The following TAFA5 variants were observed in gnomAD, a reference collection of about 807,000 sequenced individuals.
TAFA5 encodes TAFA chemokine like family member 5.
In TAFA5, 6 loss-of-function variants were observed where a neutral mutation model predicts 15.3. The ratio of observed to expected loss-of-function variants is 0.39; its 90% CI spans 0.21 to 0.77. The LOEUF (loss-of-function observed/expected upper bound fraction) is 0.77, where lower values mean the gene tolerates loss of function less well. Ranked by LOEUF, TAFA5 falls within the 30% of genes least tolerant of loss-of-function variation. TAFA5 has a pLI of 0.41. For missense variants in TAFA5, 161 were observed against 193.1 expected, an observed-to-expected ratio of 0.83 and a Z score of 0.98; for synonymous variants, 103 against 80.7, an observed-to-expected ratio of 1.28 and a Z score of -1.48.
intron 1 of TAFA5, among the ~76,000 whole-genome samples, chr22:48,584,006 C>T (rs992857686): frequency 1.9e-5 from 2 of 105,010 alleles, no homozygotes; most frequent in Non-Finnish European, 4.1e-5. Flanking sequence ...ACACATATAA[C>T]ACACCACACA....
chr22:48,534,735 G>C (rs534842061), intron 1 of TAFA5, among the ~76,000 whole-genome samples: 1 of 152,196 alleles, frequency 6.6e-6, no homozygotes, highest in Non-Finnish European at 1.5e-5. Context: ...CGGGGGGAGG[G>C]GGAGGCCCGG....
At chr22:48,657,710 C>T (rs760922666) in intron 2 of TAFA5, among the ~76,000 whole-genome samples, 4 of 152,182 alleles carry the variant, frequency 2.6e-5, no homozygotes, top group Non-Finnish European at 5.9e-5. Context: ...CCTGCATCTC[C>T]AGCACAGACC....
chr22:48,618,348 C>A (rs1925686808), intron 1 of TAFA5, among the ~76,000 whole-genome samples: 1 of 152,216 alleles, frequency 6.6e-6, no homozygotes, highest in African/African-American at 2.4e-5. Flanking sequence ...CTCTGCCAAG[C>A]CTTCATATTT....
Position 48,750,020 on chromosome 22 carries a change from C to T in TAFA5, c.*173C>T, listed in dbSNP as rs996392695. 8.9e-5 allele frequency: 60 copies of T among 672,330 alleles called. No individual in the cohort carries two copies. The highest frequency in any genetic ancestry group is 1.4e-4 in the Non-Finnish European group (56 of 388,728). 41.6% of individuals were successfully genotyped at this position (672,330 alleles called of 1,614,324 possible). A position where few individuals can be genotyped will look rare whatever the true frequency, so the allele number is the denominator to read the frequency against. On this transcript the variant is annotated 3_prime_UTR_variant, in exon 4 of 4. Coordinates refer to ENST00000402357, the MANE Select transcript of TAFA5 (RefSeq NM_001082967.3). Reference sequence around the variant, plus strand: ...AGGCCTTGGCATCCTGAGCTTCGGTCTGTCCAGCCGACCCGAGGAGGCCGG... The same window carrying T: ...AGGCCTTGGCATCCTGAGCTTCGGTTTGTCCAGCCGACCCGAGGAGGCCGG...
At chr22:48,677,283 C>G (rs1054808753) in intron 2 of TAFA5, among the ~76,000 whole-genome samples, 1 of 152,258 alleles carries the variant, frequency 6.6e-6, no homozygotes, top group African/African-American at 2.4e-5. Flanking sequence ...GAGCAGGACC[C>G]TGCCCGCCCG....
In TAFA5 at chr22:48,698,176, ATGG is replaced by A. The variant is rs529121271; in HGVS notation, c.263-9535_263-9533del. On this transcript the variant is annotated intron_variant, in intron 2 of 3. Coordinates refer to ENST00000402357, the MANE Select transcript of TAFA5 (RefSeq NM_001082967.3). Reference sequence around the variant, plus strand: ...GATGATGATAGTGATAGTAGTGATGATGGTGGTGATGATGATGGTGACAATAAT... The same window carrying A: ...GATGATGATAGTGATAGTAGTGATGATGGTGATGATGATGGTGACAATAAT... 1.4e-3 allele frequency among the ~76,000 whole-genome samples: 204 copies of A among 151,042 alleles called. 1 individual carries two copies. Among genetic ancestry groups the A allele is most frequent in the African/African-American group, 4.5e-3 (184 of 41,026 alleles).
intron 3 of TAFA5, among the ~76,000 whole-genome samples, chr22:48,729,232 TATTTTATATTTATTTATAAATATATAATA>T (rs1442875635): frequency 0.24 from 27,969 of 118,412 alleles, 6,787 homozygotes; most frequent in Non-Finnish European, 0.3. Context: ...GGAACTAAAA[TATTTTATATTTATTTATAAATATATAATA>T]ATTTTATATT....
chr22:48,691,704 G>A (rs539047513), intron 2 of TAFA5, among the ~76,000 whole-genome samples: 1 of 152,340 alleles, frequency 6.6e-6, no homozygotes, highest in African/African-American at 2.4e-5. Flanking sequence ...CGGGGCGCCT[G>A]CCCCTTGGCA....
chr22:48,556,700 C>T (rs16999425), intron 1 of TAFA5, among the ~76,000 whole-genome samples: 1,584 of 152,296 alleles, frequency 0.01, 33 homozygotes, highest in African/African-American at 0.035. Context: ...TCCTGCAGTC[C>T]GACCCGAGAG....
rs367964608 is a variant in TAFA5, at chr22:48,700,643, G to A, written c.263-7074G>A. Among the ~76,000 whole-genome samples, 84 of 152,322 alleles carry A rather than the reference G, an allele frequency of 5.5e-4. 1 individual carries two copies. In the South Asian group the frequency reaches 0.012, roughly 21 times the overall value. ...GGTACACGTGAGTGTGCACGTGGAT[G>A]TGCATGTTTGCCTGTGGGCACCTGT... On this transcript the variant is annotated intron_variant, in intron 2 of 3. Coordinates refer to ENST00000402357, the MANE Select transcript of TAFA5 (RefSeq NM_001082967.3).
At chr22:48,535,259 CCA>C (rs139510186) in intron 1 of TAFA5, among the ~76,000 whole-genome samples, 3,564 of 152,164 alleles carry the variant, frequency 0.023, 152 homozygotes, top group African/African-American at 0.082. Flanking sequence ...GTCTTTTCAT[CCA>C]CACACACACA....
At position 48,666,728 on chromosome 22, in the gene TAFA5, C is replaced by T. The variant is rs889850083; in HGVS notation, c.262+19982C>T. 5.3e-5 allele frequency among the ~76,000 whole-genome samples: 8 copies of T among 152,184 alleles called. No individual in the cohort carries two copies. The South Asian group carries it at 1.2e-3, about 24-fold the overall frequency. On this transcript the variant is annotated intron_variant, in intron 2 of 3. Coordinates refer to ENST00000402357, the MANE Select transcript of TAFA5 (RefSeq NM_001082967.3). Reference sequence around the variant, plus strand: ...GTTCCACTGCCCTGAAACCCCTTGTCGGAGCGGGTTTCACATGCCCCAGCT... The same window carrying T: ...GTTCCACTGCCCTGAAACCCCTTGTTGGAGCGGGTTTCACATGCCCCAGCT...
At chr22:48,544,781 G>A in intron 1 of TAFA5, 2 of 471,264 alleles carry the variant, frequency 4.2e-6, no homozygotes, top group East Asian at 7.0e-5. Context: ...AGTTCTGGCT[G>A]TTACCACGAT....
At chr22:48,603,487 G>A (rs1264155278) in intron 1 of TAFA5, among the ~76,000 whole-genome samples, 1 of 152,230 alleles carries the variant, frequency 6.6e-6, no homozygotes, top group Non-Finnish European at 1.5e-5. Flanking sequence ...GAAGATTAGG[G>A]CAGGGCTTAT....
Position 48,655,833 on chromosome 22 carries a change from T to TTTTTTG in TAFA5, c.262+9092_262+9093insGTTTTT, listed in dbSNP as rs1393628021. Among the ~76,000 whole-genome samples the TTTTTTG allele has an allele frequency of 1.1e-4, 11 of 97,156 alleles. 4 individuals are homozygous for TTTTTTG. The highest frequency in any genetic ancestry group is 1.3e-4 in the Non-Finnish European group (6 of 46,150). The allele number at this position is 97,156 out of a possible 152,430, so 63.7% of individuals were successfully genotyped here. The stretch of plus-strand genomic sequence containing the variant: ...TTCCTGAAGCCAAACACTGATTCTT[T>TTTTTTG]TTTTTTTTTTTTTTTTTTTTTTTTG... On this transcript the variant is annotated intron_variant, in intron 2 of 3. Transcript: ENST00000402357.
chr22:48,708,197 A>C (rs536102045), intron 3 of TAFA5, among the ~76,000 whole-genome samples: 1 of 152,254 alleles, frequency 6.6e-6, no homozygotes, highest in South Asian at 2.1e-4. Context: ...TGGAGGAGGC[A>C]TCCGCCCCTC....
At chr22:48,716,343 A>G (rs1216208877) in intron 3 of TAFA5, among the ~76,000 whole-genome samples, 1 of 152,258 alleles carries the variant, frequency 6.6e-6, no homozygotes, top group Non-Finnish European at 1.5e-5. Flanking sequence ...CAGCCATAAA[A>G]AAGAATGAGT....
chr22:48,538,159 C>A (rs536737338), intron 1 of TAFA5, among the ~76,000 whole-genome samples: 2 of 152,312 alleles, frequency 1.3e-5, no homozygotes, highest in African/African-American at 4.8e-5. Flanking sequence ...TACGTGAAAC[C>A]ACCGAGATGG....
At chr22:48,658,176 C>T (rs1436312271) in intron 2 of TAFA5, among the ~76,000 whole-genome samples, 1 of 138,964 alleles carries the variant, frequency 7.2e-6, no homozygotes, top group Non-Finnish European at 1.5e-5. Flanking sequence ...GCCAGAGGAC[C>T]TTGAGCTGCT....
Sources: gnomAD v4.1 joint callset for allele counts (sites outside exome capture counted in the v4.1 genomes callset) on GRCh38, gnomAD v4.1.1 for gene constraint, MANE v1.5 for transcripts, NCBI Gene and HGNC (gene_info 2026-07-23, HGNC 2026-07-21) for gene names.